Variants in EPHA6 observed in about 807,000 individuals in gnomAD.
EPHA6 encodes the protein ephrin type-A receptor 6.
EPHA6 carries 50 observed loss-of-function variants against 112.0 expected under a neutral mutation model. The ratio of observed to expected loss-of-function variants is 0.45; its 90% CI spans 0.36 to 0.56. EPHA6 has a LOEUF of 0.56. EPHA6 is among the 20% of genes least tolerant of loss of function. EPHA6 has a pLI of 0.00. For missense variants in EPHA6, 1,280 were observed against 1,417.4 expected (o/e 0.90, Z 1.56); for synonymous variants, 529 against 490.7 (o/e 1.08, Z -1.03).
intron 12 of EPHA6, among the ~76,000 whole-genome samples, chr3:97,605,996 G>C (rs1345927531): frequency 6.6e-6 from 1 of 151,042 alleles, no homozygotes; most frequent in African/African-American, 2.4e-5. Context: ...ATGGGAATAG[G>C]GTGAAGTAAA....
At chr3:96,830,549 A>G (rs1039392829) in intron 1 of EPHA6, among the ~76,000 whole-genome samples, 1 of 152,100 alleles carries the variant, frequency 6.6e-6, no homozygotes, top group Non-Finnish European at 1.5e-5. Context: ...ACAAAGGAAA[A>G]AGAAAGCAGA....
At chr3:97,440,176 G>T (rs1577419002) in intron 6 of EPHA6, among the ~76,000 whole-genome samples, 1 of 151,998 alleles carries the variant, frequency 6.6e-6, no homozygotes, top group African/African-American at 2.4e-5. Context: ...TAGAATCAAA[G>T]AATTTAAAGA....
intron 3 of EPHA6, among the ~76,000 whole-genome samples, chr3:97,223,648 T>A (rs567239719): frequency 6.6e-6 from 1 of 152,264 alleles, no homozygotes; most frequent in South Asian, 2.1e-4. Context: ...AATGGAAGGC[T>A]CTAAGTCCAG....
intron 2 of EPHA6, among the ~76,000 whole-genome samples, chr3:96,962,387 TAGAATGG>T (rs924906577): frequency 6.6e-6 from 1 of 151,328 alleles, no homozygotes; most frequent in Non-Finnish European, 1.5e-5. Context: ...AAGTATTGTG[TAGAATGG>T]ATTAGAGAAC....
intron 3 of EPHA6, among the ~76,000 whole-genome samples, chr3:97,001,450 T>G (rs2107904803): frequency 1.3e-5 from 2 of 152,076 alleles, no homozygotes; most frequent in East Asian, 3.9e-4. Flanking sequence ...AAATTACTGG[T>G]GTTCTCAGTT....
chr3:97,160,498 T>C (rs1293363418), intron 3 of EPHA6, among the ~76,000 whole-genome samples: 1 of 152,084 alleles, frequency 6.6e-6, no homozygotes, highest in Non-Finnish European at 1.5e-5. Context: ...CAGGCTGGTT[T>C]CGAACTCCTG....
chr3:97,067,072 G>C (rs1188284774), intron 3 of EPHA6, among the ~76,000 whole-genome samples: 2 of 151,948 alleles, frequency 1.3e-5, no homozygotes, highest in South Asian at 4.1e-4. Context: ...CTTCTTCTTA[G>C]TATACCTTTT....
intron 2 of EPHA6, among the ~76,000 whole-genome samples, chr3:96,960,035 A>G (rs1333659407): frequency 3.9e-5 from 6 of 152,158 alleles, no homozygotes; most frequent in Admixed American, 3.3e-4. Context: ...GAACCTAACC[A>G]TAAACACACC....
At chr3:97,589,240 T>C (rs1487385480) in intron 11 of EPHA6, among the ~76,000 whole-genome samples, 1 of 151,994 alleles carries the variant, frequency 6.6e-6, no homozygotes, top group African/African-American at 2.4e-5. Flanking sequence ...CTTCTTCTAA[T>C]GTGCCCCATA....
rs186520798 is a variant in EPHA6 at position 97,553,117 on chromosome 3, G to A, written c.2386+20574G>A. On this transcript the variant is annotated intron_variant, in intron 11 of 17. Transcript: ENST00000389672. ...GATTAATCTTTATACAAAAAGTTTT[G>A]CAAAATTCTTAGGAAAAACAACAAC... is the stretch of plus-strand genomic sequence containing the variant. Among the ~76,000 whole-genome samples, 20 of 152,042 alleles carry A rather than the reference G, an allele frequency of 1.3e-4. 1 individual carries two copies. Among genetic ancestry groups the A allele is most frequent in the Admixed American group, 9.8e-4 (15 of 15,242 alleles).
Position 97,576,280 on chromosome 3 carries a change from T to G in EPHA6, c.2387-16332T>G, listed in dbSNP as rs533107152. Among the ~76,000 whole-genome samples the G allele has an allele frequency of 2.3e-5, 3 of 132,558 alleles. No homozygotes were observed. In the East Asian group the frequency reaches 5.9e-4, roughly 26 times the overall value. The allele number at this position is 132,558 out of a possible 152,430, so 87.0% of individuals were successfully genotyped here. ...ATTTCCAGATTTTGTAAAAAGTTGT[T>G]TATTCATTTTTTTTCCTTGATCAGT... On this transcript the variant is annotated intron_variant, in intron 11 of 17. Transcript: ENST00000389672.
chr3:96,939,050 T>C (rs2040777467), intron 2 of EPHA6, among the ~76,000 whole-genome samples: 1 of 152,204 alleles, frequency 6.6e-6, no homozygotes, highest in African/African-American at 2.4e-5. Context: ...TCATCAAGGA[T>C]ATTGGTCTAA....
At chr3:97,419,993 A>C (rs182014356) in intron 6 of EPHA6, among the ~76,000 whole-genome samples, 194 of 152,282 alleles carry the variant, frequency 1.3e-3, no homozygotes, top group African/African-American at 4.4e-3. Flanking sequence ...ACCAAAAAAA[A>C]CCTGATTTTT....
chr3:97,431,663 C>T (rs79306079), intron 6 of EPHA6, among the ~76,000 whole-genome samples: 2 of 152,060 alleles, frequency 1.3e-5, no homozygotes, highest in Non-Finnish European at 2.9e-5. Flanking sequence ...TTATCCACAA[C>T]TCCTTGGTAA....
intron 11 of EPHA6, among the ~76,000 whole-genome samples, chr3:97,573,614 T>C (rs2093355255): frequency 2.0e-5 from 3 of 151,978 alleles, no homozygotes; most frequent in Admixed American, 1.3e-4. Context: ...TTATTATACT[T>C]TAAGTTTTAG....
intron 11 of EPHA6, among the ~76,000 whole-genome samples, chr3:97,584,421 C>T (rs1007417453): frequency 1.3e-5 from 2 of 152,132 alleles, no homozygotes; most frequent in African/African-American, 4.8e-5. Flanking sequence ...TTTTAAAAAA[C>T]ATTTGAGTTC....
chr3:97,092,061 T>A (rs117636381), intron 3 of EPHA6, among the ~76,000 whole-genome samples: 2,027 of 151,266 alleles, frequency 0.013, 26 homozygotes, highest in Middle Eastern at 0.059. Context: ...TGTGTTTTTT[T>A]AAATGCTATA....
chr3:97,332,209 C>G (rs186104717), intron 5 of EPHA6, among the ~76,000 whole-genome samples: 4 of 152,076 alleles, frequency 2.6e-5, no homozygotes, highest in East Asian at 1.9e-4. Flanking sequence ...ATTCAACAAC[C>G]CTTCATGCTA....
chr3:97,138,060 A>G (rs1318157286), intron 3 of EPHA6, among the ~76,000 whole-genome samples: 2 of 152,082 alleles, frequency 1.3e-5, no homozygotes, highest in Non-Finnish European at 2.9e-5. Flanking sequence ...AAAAGGGAGG[A>G]AGCAGAGCTT....
Sources: allele counts gnomAD v4.1 joint callset (sites outside exome capture counted in the v4.1 genomes callset), GRCh38; gene constraint gnomAD v4.1.1; transcripts MANE v1.5; gene names NCBI Gene and HGNC (gene_info 2026-07-23, HGNC 2026-07-21).